Variants in PPIL4 observed in about 807,000 individuals in gnomAD.
The protein encoded by PPIL4 is peptidylprolyl isomerase like 4.
Under a neutral mutation model 69.1 loss-of-function variants are expected in PPIL4, and 50 were observed. That is an observed-to-expected ratio of 0.72 (90% CI 0.58 to 0.92). The LOEUF is 0.92. PPIL4 is among the 40% of genes least tolerant of loss of function. The pLI, the probability that PPIL4 is intolerant of heterozygous loss-of-function variation, is 0.00. For missense variants in PPIL4, 480 were observed against 587.9 expected (o/e 0.82, Z 1.90); for synonymous variants, 193 against 191.6 (o/e 1.01, Z -0.06).
At chr6:149,537,701 A>G (rs1468628689) in intron 4 of PPIL4, among the ~76,000 whole-genome samples, 1 of 150,660 alleles carries the variant, frequency 6.6e-6, no homozygotes, top group Non-Finnish European at 1.5e-5. Flanking sequence ...GCAAGACTCC[A>G]TCTCAAAAAA....
At chr6:149,545,793 T>G in intron 1 of PPIL4, 143 bp downstream of exon 1, 2 of 721,764 alleles carry the variant, frequency 2.8e-6, no homozygotes, top group Non-Finnish European at 4.6e-6. Flanking sequence ...CCAAGGCCGG[T>G]TAATAAAATA....
intron 11 of PPIL4, among the ~76,000 whole-genome samples, chr6:149,516,804 C>A (rs1342751860): frequency 6.6e-6 from 1 of 152,020 alleles, no homozygotes; most frequent in African/African-American, 2.4e-5. Context: ...AAGAAGTAAC[C>A]TAACATTGTA....
chr6:149,545,823 C>T (rs1003215652), intron 1 of PPIL4, 113 bp downstream of exon 1: 16 of 973,960 alleles, frequency 1.6e-5, no homozygotes, highest in Non-Finnish European at 2.5e-5. Context: ...CGGGCACCAG[C>T]AGCCCAGAAG....
intron 7 of PPIL4, among the ~76,000 whole-genome samples, chr6:149,531,948 G>C (rs959158578): frequency 2.6e-5 from 4 of 152,190 alleles, no homozygotes; most frequent in Non-Finnish European, 4.4e-5. Flanking sequence ...GATTACAGGC[G>C]TGAGCCACTG....
chr6:149,522,988 C>G (rs2115032732), intron 9 of PPIL4, among the ~76,000 whole-genome samples: 1 of 152,172 alleles, frequency 6.6e-6, no homozygotes, highest in East Asian at 1.9e-4. Context: ...ATACAATACA[C>G]CAAAAGCAAA....
At chr6:149,513,293 G>A (rs1408410543) in intron 11 of PPIL4, among the ~76,000 whole-genome samples, 2 of 140,660 alleles carry the variant, frequency 1.4e-5, no homozygotes, top group African/African-American at 5.3e-5. Context: ...GCTGAGGCAG[G>A]AAAATCATTT....
chr6:149,517,225 T>A (rs1776958527), intron 11 of PPIL4, 129 bp downstream of exon 11: 3 of 627,676 alleles, frequency 4.8e-6, no homozygotes. Context: ...AGTTACTTCC[T>A]CACAAACAAT....
At position 149,526,701 on chromosome 6, in the gene PPIL4, T is replaced by G. The variant is rs1433119464; in HGVS notation, c.754A>C (p.Thr252Pro). ...AATATTATTTCCAGATCCTCATCTG[T>G]GGTCACTGGGTTCAATTTACACACA... ...LFVCKLNPVT[T>P]DEDLEIIFSR... Residue 252 changes from threonine (T) to proline (P), a missense_variant, in exon 8 of 13, where the codon ACA (threonine) becomes CCA (proline). Transcript: ENST00000253329. 2 of 1,611,838 alleles carry G rather than the reference T, an allele frequency of 1.2e-6. No individual in the cohort carries two copies. Among genetic ancestry groups the G allele is most frequent in the African/African-American group, 2.7e-5 (2 of 74,880 alleles).
At chr6:149,506,024 G>A (rs1163903366) in intron 12 of PPIL4, among the ~76,000 whole-genome samples, 1 of 152,182 alleles carries the variant, frequency 6.6e-6, no homozygotes, top group Admixed American at 6.5e-5. Flanking sequence ...TTCTGATTAT[G>A]TATAGTCTTA....
intron 11 of PPIL4, among the ~76,000 whole-genome samples, chr6:149,515,024 G>C (rs981611895): frequency 6.6e-6 from 1 of 151,984 alleles, no homozygotes; most frequent in Non-Finnish European, 1.5e-5. Context: ...TTTTAGTAGA[G>C]ACGGAGTTTC....
intron 7 of PPIL4, among the ~76,000 whole-genome samples, chr6:149,532,148 A>C (rs1297895932): frequency 6.6e-6 from 1 of 152,236 alleles, no homozygotes; most frequent in African/African-American, 2.4e-5. Flanking sequence ...ATGTGTGTTT[A>C]TGTGCTTGTA....
intron 4 of PPIL4, among the ~76,000 whole-genome samples, chr6:149,538,528 T>C (rs568624937): frequency 9.2e-5 from 14 of 152,172 alleles, no homozygotes; most frequent in Non-Finnish European, 1.9e-4. Flanking sequence ...ATTCCTCTGA[T>C]GGATATGGGC....
chr6:149,508,692 CA>C (rs754956600), intron 12 of PPIL4, among the ~76,000 whole-genome samples: 2 of 152,106 alleles, frequency 1.3e-5, no homozygotes, highest in Non-Finnish European at 2.9e-5. Flanking sequence ...TACTTCTCAG[CA>C]AGGCAACCCC....
At chr6:149,542,009 A>G (rs1777371734) in intron 1 of PPIL4, among the ~76,000 whole-genome samples, 1 of 152,058 alleles carries the variant, frequency 6.6e-6, no homozygotes, top group Non-Finnish European at 1.5e-5. Context: ...GCAAGACTCT[A>G]TCTCAAAATA....
chr6:149,530,721 A>G (rs1000504895), intron 7 of PPIL4, among the ~76,000 whole-genome samples: 2 of 152,096 alleles, frequency 1.3e-5, no homozygotes, highest in African/African-American at 4.8e-5. Flanking sequence ...AATTGTGGAA[A>G]AAGTGGTGGG....
intron 1 of PPIL4, among the ~76,000 whole-genome samples, chr6:149,543,380 C>T (rs1009430303): frequency 6.6e-6 from 1 of 152,084 alleles, no homozygotes; most frequent in African/African-American, 2.4e-5. Flanking sequence ...CAGGTTGTTT[C>T]TCAAAATTTT....
chr6:149,524,236 G>C (rs771724369), intron 9 of PPIL4, among the ~76,000 whole-genome samples: 12 of 152,174 alleles, frequency 7.9e-5, no homozygotes, highest in Non-Finnish European at 1.8e-4. Context: ...TTAGCATTAT[G>C]TGTCTCAGTT....
intron 12 of PPIL4, among the ~76,000 whole-genome samples, chr6:149,509,005 C>T (rs542613315): frequency 8.6e-5 from 13 of 151,918 alleles, no homozygotes; most frequent in African/African-American, 2.7e-4. Flanking sequence ...AATAAAAAAT[C>T]GGGGGGCCAT....
intron 1 of PPIL4, among the ~76,000 whole-genome samples, chr6:149,542,175 C>T (rs758038844): frequency 6.6e-6 from 1 of 150,704 alleles, no homozygotes; most frequent in Non-Finnish European, 1.5e-5. Flanking sequence ...GATTTTATTA[C>T]GAGAAAAAAG....
Sources: gnomAD v4.1 joint callset for allele counts (sites outside exome capture counted in the v4.1 genomes callset) on GRCh38, gnomAD v4.1.1 for gene constraint, MANE v1.5 for transcripts, NCBI Gene and HGNC (gene_info 2026-07-23, HGNC 2026-07-21) for gene names.